Variants in MYZAP observed in about 807,000 individuals in gnomAD.
MYZAP encodes the protein myocardial zonula adherens protein.
A neutral mutation model predicts 69.4 loss-of-function variants in MYZAP; 66 were observed. The ratio of observed to expected loss-of-function variants is 0.95; its 90% CI spans 0.78 to 1.17. The LOEUF (loss-of-function observed/expected upper bound fraction) is 1.17, where lower values mean the gene tolerates loss of function less well. Ranked by LOEUF, MYZAP falls within the 50% of genes most tolerant of loss-of-function variation. The probability of loss-of-function intolerance (pLI) is 0.00; values close to 1 mark genes in which losing one functional copy is unlikely to be tolerated. For synonymous variants in MYZAP, 256 were observed against 205.9 expected, an observed-to-expected ratio of 1.24 and a Z score of -2.09; for missense variants, 611 against 556.2, an observed-to-expected ratio of 1.10 and a Z score of -0.99.
chr15:57,598,826 C>A (rs1005657624), intron 1 of MYZAP, among the ~76,000 whole-genome samples: 1 of 152,190 alleles, frequency 6.6e-6, no homozygotes, highest in African/African-American at 2.4e-5. Flanking sequence ...CAGACTAGAA[C>A]GCCTTGCCTG....
chr15:57,633,872 G>A (rs529210276), intron 8 of MYZAP, 131 bp downstream of exon 8: 2 of 1,102,004 alleles, frequency 1.8e-6, no homozygotes, highest in East Asian at 6.2e-5. Context: ...AAAAGACAAA[G>A]CTATAAAATA....
At chr15:57,670,742 A>G (rs551756621) in intron 11 of MYZAP, among the ~76,000 whole-genome samples, 307 of 151,978 alleles carry the variant, frequency 2.0e-3, no homozygotes, top group Non-Finnish European at 3.6e-3. Flanking sequence ...TAAGTTATCC[A>G]TTGGCATTTT....
chr15:57,646,518 C>G (rs2037454855), intron 10 of MYZAP: 1 of 1,025,732 alleles, frequency 9.7e-7, no homozygotes, highest in Non-Finnish European at 1.2e-6. Context: ...TCAGAAAGAT[C>G]CAGGTGGAGG....
chr15:57,606,162 C>T (rs1451673230), intron 2 of MYZAP, among the ~76,000 whole-genome samples: 1 of 152,134 alleles, frequency 6.6e-6, no homozygotes. Flanking sequence ...ATTACTGATT[C>T]TAAAGGGACA....
chr15:57,641,804 TA>T lies in MYZAP; in HGVS notation c.1119+2260del, dbSNP rs546810746. On this transcript the variant is annotated intron_variant, in intron 10 of 12. Transcript: ENST00000267853. ...CATTTGCTATAGCCATTTATGTGAA[TA>T]TTTTTTTTAAAAGTTAGAAACATGG... Among the ~76,000 whole-genome samples, 103 of 152,332 alleles carry T rather than the reference TA, an allele frequency of 6.8e-4. 1 individual carries two copies. The highest frequency in any genetic ancestry group is 2.4e-3 in the African/African-American group (99 of 41,570).
In MYZAP at chr15:57,632,470, C is replaced by G. The variant is rs753330873; in HGVS notation, c.715C>G (p.Arg239Gly). The part of the protein sequence containing the change: ...SSQEANAEVM[R>G]EMTKKLYSQY... Reference sequence around the variant, plus strand: ...CCAAGAAGCCAATGCTGAGGTGATGCGAGAGATGACCAAGAAGCTGTACAG... The same window carrying G: ...CCAAGAAGCCAATGCTGAGGTGATGGGAGAGATGACCAAGAAGCTGTACAG... The change falls in exon 7 of 13, where the codon CGA (arginine) becomes GGA (glycine). Residue 239 changes from arginine to glycine, a missense_variant. Physicochemically the swap from Arg to Gly is moderately radical, Grantham distance 125. Coordinates refer to ENST00000267853, the MANE Select transcript of MYZAP (RefSeq NM_001018100.5). The G allele has an allele frequency of 1.2e-6, 2 of 1,613,962 alleles. No homozygotes were observed. Among genetic ancestry groups the G allele is most frequent in the Non-Finnish European group, 8.5e-7 (1 of 1,180,014 alleles).
intron 10 of MYZAP, among the ~76,000 whole-genome samples, chr15:57,654,002 CAAAAAAAAAAAAAAAAAAAA>C (rs398043344): frequency 8.3e-5 from 3 of 36,084 alleles, no homozygotes; most frequent in African/African-American, 4.0e-4. Context: ...CAAACGCTGT[CAAAAAAAAAAAAAAAAAAAA>C]AAAAAAAAAA....
chr15:57,643,321 G>T (rs900514834), intron 10 of MYZAP, among the ~76,000 whole-genome samples: 1 of 152,196 alleles, frequency 6.6e-6, no homozygotes, highest in Non-Finnish European at 1.5e-5. Context: ...TTACCCACTG[G>T]TGTCACCCGA....
intron 2 of MYZAP, among the ~76,000 whole-genome samples, chr15:57,606,771 A>G (rs2034778364): frequency 6.6e-6 from 1 of 152,236 alleles, no homozygotes; most frequent in African/African-American, 2.4e-5. Flanking sequence ...TGACTATACA[A>G]TTTTGTATAT....
chr15:57,628,837 C>A (rs1178129486), intron 5 of MYZAP, among the ~76,000 whole-genome samples: 3 of 152,058 alleles, frequency 2.0e-5, no homozygotes, highest in Admixed American at 1.3e-4. Flanking sequence ...GTAATCCCAG[C>A]ACTTTGGGAG....
At chr15:57,660,303 T>C (rs1431192172) in intron 10 of MYZAP, among the ~76,000 whole-genome samples, 1 of 152,140 alleles carries the variant, frequency 6.6e-6, no homozygotes, top group Non-Finnish European at 1.5e-5. Context: ...TCATTTTGCA[T>C]GAGAAGGATT....
At position 57,646,191 on chromosome 15, in the gene MYZAP, T is replaced by C; in HGVS notation, c.1119+6646T>C. 2.3e-6 allele frequency: 3 copies of C among 1,289,362 alleles called. No individual in the cohort carries two copies. In the South Asian group the frequency reaches 3.7e-5, roughly 16 times the overall value. 79.9% of individuals were successfully genotyped at this position (1,289,362 alleles called of 1,614,324 possible). ...TAGTCTCCGGCTCTTTGGAAGATGA[T>C]AAGTTGGTAGCCTGCTCTGGGTTGG... On this transcript the variant is annotated intron_variant, in intron 10 of 12. Coordinates refer to ENST00000267853, the MANE Select transcript of MYZAP (RefSeq NM_001018100.5).
At chr15:57,681,174 T>C (rs2039421195) in intron 12 of MYZAP, among the ~76,000 whole-genome samples, 1 of 152,188 alleles carries the variant, frequency 6.6e-6, no homozygotes, top group African/African-American at 2.4e-5. Flanking sequence ...TTATGCAGAA[T>C]TTTCACAGGA....
intron 11 of MYZAP, among the ~76,000 whole-genome samples, chr15:57,668,699 T>G: frequency 6.6e-6 from 1 of 152,074 alleles, no homozygotes; most frequent in Non-Finnish European, 1.5e-5. Flanking sequence ...TCTTTTGAAG[T>G]GTCTGTTCCA....
At chr15:57,641,220 G>A (rs755572654) in intron 10 of MYZAP, among the ~76,000 whole-genome samples, 3 of 152,074 alleles carry the variant, frequency 2.0e-5, no homozygotes, top group Non-Finnish European at 4.4e-5. Context: ...ACCCTTACCT[G>A]TAAGAGGTTA....
intron 2 of MYZAP, among the ~76,000 whole-genome samples, chr15:57,614,794 T>A (rs1394521598): frequency 1.3e-5 from 2 of 152,060 alleles, no homozygotes; most frequent in African/African-American, 2.4e-5. Context: ...GAACTCCAAT[T>A]TGGAAAGACA....
At chr15:57,654,879 CTTT>C (rs74476519) in intron 10 of MYZAP, among the ~76,000 whole-genome samples, 8 of 142,734 alleles carry the variant, frequency 5.6e-5, no homozygotes, top group Non-Finnish European at 7.7e-5. Context: ...ATTGGGGGGA[CTTT>C]TTTTTTTTTT....
At chr15:57,662,223 G>T (rs116928336) in intron 11 of MYZAP, among the ~76,000 whole-genome samples, 3,382 of 152,302 alleles carry the variant, frequency 0.022, 43 homozygotes, top group South Asian at 0.038. Context: ...TGCTCTAAAG[G>T]TTCTTTATTA....
At chr15:57,655,071 A>G (rs1441956595) in intron 10 of MYZAP, among the ~76,000 whole-genome samples, 1 of 152,168 alleles carries the variant, frequency 6.6e-6, no homozygotes, top group Non-Finnish European at 1.5e-5. Context: ...GGCAGTAACT[A>G]TGATGTGTCC....
Sources: gnomAD v4.1 joint callset for allele counts (sites outside exome capture counted in the v4.1 genomes callset) on GRCh38, gnomAD v4.1.1 for gene constraint, MANE v1.5 for transcripts, NCBI Gene and HGNC (gene_info 2026-07-23, HGNC 2026-07-21) for gene names.